Variants in NRP1 observed in about 807,000 individuals in gnomAD.
NRP1 encodes neuropilin-1.
NRP1 carries 35 observed loss-of-function variants against 106.7 expected under a neutral mutation model. That is an observed-to-expected ratio of 0.33 (90% CI 0.25 to 0.43). The LOEUF (loss-of-function observed/expected upper bound fraction) is 0.43. Among genes scored for constraint, NRP1 ranks in the 20% least tolerant of loss-of-function variants. The probability of loss-of-function intolerance (pLI) is 1.00; values close to 1 mark genes in which losing one functional copy is unlikely to be tolerated. For missense variants in NRP1, 1,024 were observed against 1,170.4 expected (o/e 0.87, Z 1.83); for synonymous variants, 437 against 417.9 (o/e 1.05, Z -0.56).
intron 9 of NRP1, 48 bp from the exon 10 acceptor site, chr10:33,207,764 G>A (rs1837920250): frequency 5.7e-6 from 9 of 1,590,842 alleles, no homozygotes; most frequent in East Asian, 4.5e-5. Flanking sequence ...AAAAAACAGA[G>A]CTCCCTTTTA....
chr10:33,326,508 A>T (rs1847899003), intron 2 of NRP1, among the ~76,000 whole-genome samples: 2 of 152,162 alleles, frequency 1.3e-5, no homozygotes, highest in Admixed American at 1.3e-4. Flanking sequence ...CATTCTCTAG[A>T]ATCCTCTCAA....
intron 2 of NRP1, among the ~76,000 whole-genome samples, chr10:33,314,110 G>C (rs1020931524): frequency 1.5e-5 from 2 of 137,794 alleles, no homozygotes; most frequent in Non-Finnish European, 3.1e-5. Context: ...TTCAGAGGTA[G>C]ACTGTTGCAC....
At chr10:33,298,492 C>G (rs929250432) in intron 2 of NRP1, among the ~76,000 whole-genome samples, 1 of 152,168 alleles carries the variant, frequency 6.6e-6, no homozygotes, top group Non-Finnish European at 1.5e-5. Context: ...TCTCCAACTG[C>G]TTTTCACTTA....
chr10:33,247,388 T>C (rs1841501356), intron 6 of NRP1, among the ~76,000 whole-genome samples: 1 of 152,178 alleles, frequency 6.6e-6, no homozygotes, highest in Admixed American at 6.5e-5. Flanking sequence ...TCTCTGCAAG[T>C]TGTAACAGGC....
chr10:33,308,488 CATT>C (rs1014511832), intron 2 of NRP1, among the ~76,000 whole-genome samples: 40 of 151,630 alleles, frequency 2.6e-4, no homozygotes, highest in African/African-American at 9.2e-4. Context: ...AAAATAATCT[CATT>C]ATTCTTTTTT....
chr10:33,242,144 T>TC (rs60126255), intron 6 of NRP1, among the ~76,000 whole-genome samples: 19 of 151,994 alleles, frequency 1.3e-4, no homozygotes, highest in Non-Finnish European at 1.9e-4. Context: ...CTCCTTTTAC[T>TC]CCCCCCAGAA....
chr10:33,285,270 A>T (rs1280797282), intron 2 of NRP1, among the ~76,000 whole-genome samples: 2 of 152,208 alleles, frequency 1.3e-5, no homozygotes, highest in African/African-American at 4.8e-5. Flanking sequence ...GACCGCCATG[A>T]ATAGAACTAA....
intron 2 of NRP1, among the ~76,000 whole-genome samples, chr10:33,287,848 T>C (rs569206057): frequency 2.2e-4 from 34 of 152,208 alleles, no homozygotes; most frequent in Middle Eastern, 3.4e-3. Flanking sequence ...GTAAGAGAAA[T>C]GGAAGCTGTG....
At chr10:33,185,884 G>T (rs1835973516) in intron 14 of NRP1, among the ~76,000 whole-genome samples, 160 bp from the exon 15 acceptor site, 1 of 152,124 alleles carries the variant, frequency 6.6e-6, no homozygotes, top group Non-Finnish European at 1.5e-5. Context: ...GCCTGGTGAT[G>T]GTATGCACCT....
At chr10:33,228,139 C>G (rs1031413988) in intron 6 of NRP1, among the ~76,000 whole-genome samples, 1 of 128,980 alleles carries the variant, frequency 7.8e-6, no homozygotes, top group East Asian at 3.3e-4. Context: ...TAAACACAAG[C>G]TTAAAAAAAA....
chr10:33,205,007 C>T (rs546503159), intron 10 of NRP1, among the ~76,000 whole-genome samples: 1 of 152,206 alleles, frequency 6.6e-6, no homozygotes, highest in Non-Finnish European at 1.5e-5. Context: ...GCTGGGATTA[C>T]AGGCATGAGC....
intron 14 of NRP1, among the ~76,000 whole-genome samples, 189 bp downstream of exon 14, chr10:33,186,028 C>G (rs1001602229): frequency 6.6e-6 from 1 of 152,226 alleles, no homozygotes; most frequent in Non-Finnish European, 1.5e-5. Context: ...CAAATTGGTT[C>G]TATTCCTGCA....
intron 2 of NRP1, among the ~76,000 whole-genome samples, chr10:33,275,989 A>C (rs1656248477): frequency 6.6e-6 from 1 of 152,228 alleles, no homozygotes; most frequent in African/African-American, 2.4e-5. Context: ...TGATATAATC[A>C]GTGAAAAATC....
At position 33,189,763 on chromosome 10, in the gene NRP1, T is replaced by A. The variant is rs558351323; in HGVS notation, c.2062+2518A>T. Among the ~76,000 whole-genome samples, 37 of 152,322 alleles carry A rather than the reference T, an allele frequency of 2.4e-4. No individual in the cohort carries two copies. The South Asian group carries it at 4.1e-3, about 17-fold the overall frequency. ...TTCATTTTCTTTTTAAACAACCCAA[T>A]GTCTGGCTTGCAAAGTTTCACCAAA... is the stretch of plus-strand genomic sequence containing the variant. On this transcript the variant is annotated intron_variant, in intron 13 of 16. Transcript: ENST00000374867.
chr10:33,191,805 C>T (rs182966479), intron 13 of NRP1, among the ~76,000 whole-genome samples: 71 of 151,678 alleles, frequency 4.7e-4, no homozygotes, highest in Admixed American at 1.6e-3. Flanking sequence ...GGTGAAATCC[C>T]GTCTCTACTA....
At chr10:33,323,965 G>T (rs943877622) in intron 2 of NRP1, among the ~76,000 whole-genome samples, 2 of 152,124 alleles carry the variant, frequency 1.3e-5, no homozygotes, top group African/African-American at 2.4e-5. Context: ...GTGAAATCTC[G>T]TTGGAAATGC....
chr10:33,220,844 T>A (rs1238181548), intron 8 of NRP1, among the ~76,000 whole-genome samples: 1 of 131,628 alleles, frequency 7.6e-6, no homozygotes, highest in African/African-American at 2.9e-5. Flanking sequence ...GAGGTTGCCA[T>A]GAGCCAAAAT....
At position 33,254,047 on chromosome 10, in the gene NRP1, G is replaced by A; in HGVS notation, c.962C>T (p.Ser321Phe). The A allele has an allele frequency of 2.5e-6, 4 of 1,611,102 alleles. No homozygotes were observed. Among genetic ancestry groups the A allele is most frequent in the Non-Finnish European group, 3.4e-6 (4 of 1,179,310 alleles). Reference protein sequence around the residue: ...PENGWTPGEDSYREWIQVDLG... With the variant: ...PENGWTPGEDFYREWIQVDLG... ...GCATACCTGTATCCACTCTCGGTAG[G>A]AATCCTCTCCGGGAGTCCACCCATT... Residue 321 changes from serine (S) to phenylalanine (F), a missense_variant, in exon 6 of 17, where the codon TCC becomes TTC. Ser to Phe is a radical substitution (Grantham distance 155). This residue lies in a region of NRP1 where 562 missense variants were observed against 620.3 expected (regional missense o/e 0.91). Coordinates refer to ENST00000374867, the MANE Select transcript of NRP1 (RefSeq NM_003873.7).
chr10:33,199,081 G>A (rs1837018278), intron 11 of NRP1, among the ~76,000 whole-genome samples: 1 of 151,938 alleles, frequency 6.6e-6, no homozygotes, highest in African/African-American at 2.4e-5. Flanking sequence ...TTTTAAAGTA[G>A]TGTTCTTAAA....
Sources: gnomAD v4.1 joint callset for allele counts (sites outside exome capture counted in the v4.1 genomes callset) on GRCh38, gnomAD v4.1.1 for gene constraint, gnomAD v4.1.1 regional missense constraint, MANE v1.5 for transcripts, NCBI Gene and HGNC (gene_info 2026-07-23, HGNC 2026-07-21) for gene names.